Variants in HEMK2 observed in about 807,000 individuals in gnomAD.
HEMK2 encodes the protein methyltransferase HEMK2.
the HEMK2 span, chr21:28,882,949 G>T: frequency 7.5e-7 from 1 of 1,327,790 alleles, no homozygotes; most frequent in Non-Finnish European, 1.0e-6. Flanking sequence ...TAGTTAACCT[G>T]TCAGTGGAAG....
chr21:28,846,280 T>C, the HEMK2 span, among the ~76,000 whole-genome samples: 2 of 152,160 alleles, frequency 1.3e-5, no homozygotes, highest in African/African-American at 2.4e-5. Context: ...GCCTTTATGG[T>C]AGAAATGATT....
the HEMK2 span, among the ~76,000 whole-genome samples, chr21:28,753,169 C>A: frequency 2.0e-5 from 3 of 151,956 alleles, no homozygotes; most frequent in African/African-American, 7.3e-5. Flanking sequence ...CCAGCGTGGC[C>A]AATATGGTGA....
the HEMK2 span, among the ~76,000 whole-genome samples, chr21:28,700,264 T>A: frequency 6.6e-6 from 1 of 152,170 alleles, no homozygotes; most frequent in Non-Finnish European, 1.5e-5. Flanking sequence ...ATGACAACTG[T>A]CCTCATCATA....
the HEMK2 span, among the ~76,000 whole-genome samples, chr21:28,880,336 T>C: frequency 6.6e-6 from 1 of 152,252 alleles, no homozygotes; most frequent in Non-Finnish European, 1.5e-5. Context: ...TCTGTACAGA[T>C]ACCTACCATT....
At chr21:28,790,369 G>C in the HEMK2 span, among the ~76,000 whole-genome samples, 1 of 152,170 alleles carries the variant, frequency 6.6e-6, no homozygotes, top group African/African-American at 2.4e-5. Context: ...TTATTATTCA[G>C]AAAGAATTTA....
At chr21:28,849,986 A>C in the HEMK2 span, among the ~76,000 whole-genome samples, 1 of 152,210 alleles carries the variant, frequency 6.6e-6, no homozygotes. Context: ...CTAGAGAGGA[A>C]ACATTCAAAT....
chr21:28,751,634 T>C, the HEMK2 span, among the ~76,000 whole-genome samples: 1 of 152,342 alleles, frequency 6.6e-6, no homozygotes, highest in East Asian at 1.9e-4. Context: ...AGCCAATTTT[T>C]AACATCTACG....
the HEMK2 span, among the ~76,000 whole-genome samples, chr21:28,638,061 A>T: frequency 1.3e-5 from 2 of 152,350 alleles, no homozygotes; most frequent in African/African-American, 4.8e-5. Context: ...AACTTGGGGT[A>T]TGCATTTATT....
the HEMK2 span, among the ~76,000 whole-genome samples, chr21:28,676,651 G>A: frequency 2.6e-5 from 4 of 152,172 alleles, no homozygotes; most frequent in Admixed American, 1.3e-4. Flanking sequence ...GCAGCGAGGA[G>A]CCTGGCCCCT....
the HEMK2 span, among the ~76,000 whole-genome samples, chr21:28,645,885 A>C: frequency 6.6e-6 from 1 of 152,132 alleles, no homozygotes; most frequent in Non-Finnish European, 1.5e-5. Flanking sequence ...TGTGAGCAAT[A>C]AGTTTCTGTT....
the HEMK2 span, among the ~76,000 whole-genome samples, chr21:28,837,029 C>A: frequency 6.6e-6 from 1 of 152,162 alleles, no homozygotes; most frequent in Non-Finnish European, 1.5e-5. Context: ...AACACTGGAG[C>A]TCTGAAATTT....
the HEMK2 span, among the ~76,000 whole-genome samples, chr21:28,677,480 A>G: frequency 1.3e-5 from 2 of 152,224 alleles, no homozygotes; most frequent in Non-Finnish European, 2.9e-5. Context: ...GGCAGGGCAT[A>G]GCCAAACAAA....
chr21:28,844,965 T>C, the HEMK2 span, among the ~76,000 whole-genome samples: 4 of 151,636 alleles, frequency 2.6e-5, no homozygotes, highest in African/African-American at 9.8e-5. Flanking sequence ...GTTTTATTTA[T>C]GATATCCTTT....
chr21:28,746,468 T>G, the HEMK2 span, among the ~76,000 whole-genome samples: 37,278 of 152,086 alleles, frequency 0.25, 5,544 homozygotes, highest in African/African-American at 0.41. Flanking sequence ...GACAAGCAAG[T>G]TCTTTGCTCA....
At chr21:28,657,576 A>G in the HEMK2 span, among the ~76,000 whole-genome samples, 2,552 of 152,222 alleles carry the variant, frequency 0.017, 73 homozygotes, top group African/African-American at 0.057. Context: ...TTGTAACTGC[A>G]GAGAAAAGAC....
chr21:28,767,830 AACATTGGCTC>A, the HEMK2 span, among the ~76,000 whole-genome samples: 2 of 151,948 alleles, frequency 1.3e-5, no homozygotes, highest in Admixed American at 6.6e-5. Context: ...TGGGTTCTTT[AACATTGGCTC>A]ATGAAACATC....
the HEMK2 span, among the ~76,000 whole-genome samples, chr21:28,813,959 G>T: frequency 2.0e-5 from 3 of 152,124 alleles, no homozygotes; most frequent in African/African-American, 4.8e-5. Flanking sequence ...CATGGGCTGG[G>T]TGTGGTGGCT....
At chr21:28,644,103 T>C in the HEMK2 span, among the ~76,000 whole-genome samples, 1 of 152,178 alleles carries the variant, frequency 6.6e-6, no homozygotes, top group Non-Finnish European at 1.5e-5. Context: ...TACCCAAGAC[T>C]GGGTAATTTA....
chr21:28,874,889 A>G, the HEMK2 span: 1 of 152,274 alleles, frequency 6.6e-6, no homozygotes, highest in Non-Finnish European at 1.5e-5. Flanking sequence ...AGCAAAGTCA[A>G]CAGGGGGACT....
Sources: allele counts gnomAD v4.1 joint callset (sites outside exome capture counted in the v4.1 genomes callset), GRCh38; gene constraint gnomAD v4.1.1; transcripts MANE v1.5; gene names NCBI Gene and HGNC (gene_info 2026-07-23, HGNC 2026-07-21).